Variants in PRIMA1 observed in about 807,000 individuals in gnomAD.
The protein encoded by PRIMA1 is proline rich membrane anchor 1, also known as proline-rich membrane anchor 1.
Under a neutral mutation model 17.5 loss-of-function variants are expected in PRIMA1, and 7 were observed. The observed-to-expected ratio is 0.40, with a 90% CI of 0.23 to 0.75. The LOEUF (loss-of-function observed/expected upper bound fraction) is 0.75. Ranked by LOEUF, PRIMA1 falls within the 30% of genes least tolerant of loss-of-function variation. PRIMA1 has a pLI of 0.37. For missense variants in PRIMA1, 200 were observed against 201.8 expected (o/e 0.99, Z 0.05); for synonymous variants, 97 against 77.9 (o/e 1.25, Z -1.29).
chr14:93,772,381 G>T (rs1010882394), intron 3 of PRIMA1, among the ~76,000 whole-genome samples: 1 of 152,266 alleles, frequency 6.6e-6, no homozygotes, highest in Non-Finnish European at 1.5e-5. Context: ...GCAGGCTCAC[G>T]CCTCTGTTCT....
In PRIMA1 at chr14:93,721,217, C is replaced by G. The variant is rs1279872953; in HGVS notation, c.*227G>C. The G allele has an allele frequency of 7.5e-6, 4 of 531,084 alleles. No individual in the cohort carries two copies. Among genetic ancestry groups the G allele is most frequent in the East Asian group, 6.3e-5 (2 of 31,616 alleles). 32.9% of individuals were successfully genotyped at this position (531,084 alleles called of 1,614,324 possible). ...ATGTGGAGGGCCTGGGGTGGGGACA[C>G]TGCCCAGGTGCTGCGCCGGGCTCAG... On this transcript the variant is annotated 3_prime_UTR_variant, in exon 5 of 5. Transcript: ENST00000393140.
chr14:93,758,639 C>T (rs559981939), intron 3 of PRIMA1, among the ~76,000 whole-genome samples: 2 of 148,560 alleles, frequency 1.3e-5, no homozygotes, highest in African/African-American at 2.6e-5. Flanking sequence ...AAGAAATAAT[C>T]GACATTCAAA....
chr14:93,724,469 C>G (rs1057280400), intron 4 of PRIMA1, among the ~76,000 whole-genome samples: 1 of 152,158 alleles, frequency 6.6e-6, no homozygotes, highest in Non-Finnish European at 1.5e-5. Flanking sequence ...CTCCCTCTGT[C>G]CCCTTCATCC....
chr14:93,745,044 G>A (rs940484703), intron 3 of PRIMA1, among the ~76,000 whole-genome samples: 2 of 152,138 alleles, frequency 1.3e-5, no homozygotes, highest in East Asian at 1.9e-4. Context: ...GAGTGTCCCC[G>A]GGAAGTGATG....
At position 93,726,869 on chromosome 14, in the gene PRIMA1, A is replaced by G. The variant is rs997378690; in HGVS notation, c.360-5323T>C. Among the ~76,000 whole-genome samples the G allele has an allele frequency of 2.6e-5, 4 of 152,146 alleles. No individual in the cohort carries two copies. Among genetic ancestry groups the G allele is most frequent in the African/African-American group, 7.2e-5 (3 of 41,438 alleles). On this transcript the variant is annotated intron_variant, in intron 4 of 4. Transcript: ENST00000393140. The surrounding 1 kb of genome is among the most constrained non-coding windows in gnomAD (Gnocchi z 4.2). Reference sequence around the variant, plus strand: ...TACACACATATGCACACATACACATATGTGCACATGCATGCACACATACAT... The same window carrying G: ...TACACACATATGCACACATACACATGTGTGCACATGCATGCACACATACAT...
At chr14:93,725,457 A>C (rs543459153) in intron 4 of PRIMA1, among the ~76,000 whole-genome samples, 1 of 151,368 alleles carries the variant, frequency 6.6e-6, no homozygotes, top group South Asian at 2.1e-4. Flanking sequence ...CCACCTCTGC[A>C]CCCCCCCAAC....
At chr14:93,740,298 T>A (rs182328182) in intron 3 of PRIMA1, among the ~76,000 whole-genome samples, 2 of 152,298 alleles carry the variant, frequency 1.3e-5, no homozygotes, top group Admixed American at 1.3e-4. Context: ...AAGGCTTTCT[T>A]GGTGAAATAT....
chr14:93,727,760 A>G (rs1416200781), intron 4 of PRIMA1, among the ~76,000 whole-genome samples: 2 of 151,398 alleles, frequency 1.3e-5, no homozygotes, highest in Non-Finnish European at 2.9e-5. Context: ...AGGTCACGGA[A>G]CCCCCCTTCA....
intron 3 of PRIMA1, among the ~76,000 whole-genome samples, chr14:93,766,233 G>A (rs1446134149): frequency 6.6e-6 from 1 of 152,198 alleles, no homozygotes; most frequent in Non-Finnish European, 1.5e-5. Flanking sequence ...CCTTGCCTGA[G>A]ACATGGCTCA....
rs112170118 is a variant in PRIMA1, at chr14:93,777,925, G to A, written c.229+1251C>T. Reference sequence around the variant, plus strand: ...ACAAACCGCTGGGAGACTACGTGCCGTGGGGCCCAAAATGTGGGAGAGTGA... The same window carrying A: ...ACAAACCGCTGGGAGACTACGTGCCATGGGGCCCAAAATGTGGGAGAGTGA... On this transcript the variant is annotated intron_variant, in intron 3 of 4. Transcript: ENST00000393140. Among the ~76,000 whole-genome samples the A allele has an allele frequency of 9.7e-3, 1,472 of 152,294 alleles. 24 individuals carry two copies. Among genetic ancestry groups the A allele is most frequent in the African/African-American group, 0.033 (1,377 of 41,558 alleles).
intron 2 of PRIMA1, among the ~76,000 whole-genome samples, chr14:93,781,898 T>A (rs1462964517): frequency 6.6e-6 from 1 of 152,030 alleles, no homozygotes; most frequent in East Asian, 1.9e-4. Context: ...GACTTGAACC[T>A]GGAGGTCAAG....
intron 3 of PRIMA1, among the ~76,000 whole-genome samples, chr14:93,738,521 G>A (rs1241597711): frequency 3.3e-5 from 5 of 152,306 alleles, no homozygotes; most frequent in East Asian, 1.9e-4. Context: ...TCTCCAAGAC[G>A]TGAATATATG....
At chr14:93,747,164 G>T (rs1017819085) in intron 3 of PRIMA1, among the ~76,000 whole-genome samples, 7 of 152,172 alleles carry the variant, frequency 4.6e-5, no homozygotes, top group Admixed American at 2.0e-4. Context: ...ACATGAGGAG[G>T]TGCAGAGGAG....
chr14:93,763,523 C>T (rs931297786), intron 3 of PRIMA1, among the ~76,000 whole-genome samples: 3 of 152,210 alleles, frequency 2.0e-5, no homozygotes, highest in African/African-American at 4.8e-5. Flanking sequence ...GGCCCCCAGC[C>T]GAAGCAGCCA....
intron 4 of PRIMA1, among the ~76,000 whole-genome samples, chr14:93,724,019 G>A (rs1172183769): frequency 2.6e-5 from 4 of 152,106 alleles, no homozygotes; most frequent in Non-Finnish European, 5.9e-5. Context: ...TGAGTAGCTG[G>A]GATTACAGGT....
At chr14:93,777,495 G>A (rs931322043) in intron 3 of PRIMA1, among the ~76,000 whole-genome samples, 21 of 151,954 alleles carry the variant, frequency 1.4e-4, no homozygotes, top group Admixed American at 1.3e-3. Flanking sequence ...TGCCACCAAC[G>A]CCTGGCTAAT....
chr14:93,758,858 C>G (rs913807214), intron 3 of PRIMA1, among the ~76,000 whole-genome samples: 2 of 152,064 alleles, frequency 1.3e-5, no homozygotes, highest in Admixed American at 1.3e-4. Flanking sequence ...CCTCCAGAGG[C>G]CTGCATGTTG....
Position 93,779,257 on chromosome 14 carries a change from G to A in PRIMA1, c.148C>T (p.His50Tyr). 2 of 1,539,834 alleles carry A rather than the reference G, an allele frequency of 1.3e-6. No homozygotes were observed. Among genetic ancestry groups the A allele is most frequent in the East Asian group, 2.5e-5 (1 of 39,566 alleles). ...GGAGGGGGCCGGCACTGGCAGACGTGTCGGCAGCTGTCAGTCACTTTGGAG... is the reference window on the plus strand; with the variant it reads ...GGAGGGGGCCGGCACTGGCAGACGTATCGGCAGCTGTCAGTCACTTTGGAG... ...SCSKVTDSCR[H>Y]VCQCRPPPPL... The change falls in exon 3 of 5, where the codon CAC (histidine) becomes TAC (tyrosine). Residue 50 changes from histidine (H) to tyrosine (Y), a missense_variant. Transcript: ENST00000393140.
intron 3 of PRIMA1, among the ~76,000 whole-genome samples, chr14:93,777,606 G>A (rs1162470644): frequency 1.3e-5 from 2 of 152,192 alleles, no homozygotes; most frequent in Non-Finnish European, 2.9e-5. Flanking sequence ...AAAGTGCTGG[G>A]ATTACAGGCA....
Sources: gnomAD v4.1 joint callset for allele counts (sites outside exome capture counted in the v4.1 genomes callset) on GRCh38, gnomAD v4.1.1 for gene constraint, Gnocchi (gnomAD v3.1) non-coding constraint, MANE v1.5 for transcripts, NCBI Gene and HGNC (gene_info 2026-07-23, HGNC 2026-07-21) for gene names.